The following NKAIN2 variants were observed in gnomAD, a reference collection of about 807,000 sequenced individuals.
NKAIN2 encodes sodium/potassium-transporting ATPase subunit beta-1-interacting protein 2.
Under a neutral mutation model 32.6 loss-of-function variants are expected in NKAIN2, and 14 were observed. That is an observed-to-expected ratio of 0.43 (90% CI 0.28 to 0.67). The LOEUF is 0.67. Ranked by LOEUF, NKAIN2 falls within the 30% of genes least tolerant of loss-of-function variation. NKAIN2 has a pLI of 0.17. For synonymous variants in NKAIN2, 80 were observed against 87.2 expected (o/e 0.92, Z 0.46); for missense variants, 198 against 258.3 (o/e 0.77, Z 1.60).
At chr6:124,348,812 G>C (rs1482293623) in intron 2 of NKAIN2, among the ~76,000 whole-genome samples, 1 of 152,186 alleles carries the variant, frequency 6.6e-6, no homozygotes, top group Non-Finnish European at 1.5e-5. Context: ...CACTGGGGAA[G>C]CTCAAGGGGT....
chr6:124,651,314 A>C (rs1784359750), intron 3 of NKAIN2, among the ~76,000 whole-genome samples: 2 of 152,262 alleles, frequency 1.3e-5, no homozygotes, highest in South Asian at 4.2e-4. Flanking sequence ...GTAGCTCTGC[A>C]GTTCTGAGGT....
intron 1 of NKAIN2, among the ~76,000 whole-genome samples, chr6:124,050,526 G>C (rs1016406509): frequency 6.6e-6 from 1 of 151,932 alleles, no homozygotes; most frequent in African/African-American, 2.4e-5. Flanking sequence ...CTGGCTTGGG[G>C]CTCAGTGGTT....
At chr6:123,913,689 T>C (rs1342682726) in intron 1 of NKAIN2, among the ~76,000 whole-genome samples, 1 of 152,176 alleles carries the variant, frequency 6.6e-6, no homozygotes, top group East Asian at 1.9e-4. Flanking sequence ...ATATTATTTG[T>C]ATCCTGAGAT....
At chr6:124,409,924 G>A (rs1234426400) in intron 3 of NKAIN2, among the ~76,000 whole-genome samples, 1 of 152,132 alleles carries the variant, frequency 6.6e-6, no homozygotes, top group African/African-American at 2.4e-5. Context: ...AGTCTTGGGA[G>A]GGTGTATGTG....
intron 3 of NKAIN2, among the ~76,000 whole-genome samples, chr6:124,358,083 T>C (rs1397959536): frequency 6.6e-6 from 1 of 152,214 alleles, no homozygotes; most frequent in Non-Finnish European, 1.5e-5. Context: ...GCTTCATCTA[T>C]GTCCCTACAA....
At chr6:124,332,612 A>G (rs1797710053) in intron 2 of NKAIN2, among the ~76,000 whole-genome samples, 1 of 152,136 alleles carries the variant, frequency 6.6e-6, no homozygotes, top group Non-Finnish European at 1.5e-5. Flanking sequence ...AAGAAATTAT[A>G]ACTACACCCT....
At chr6:124,800,203 T>G (rs1309378428) in intron 5 of NKAIN2, among the ~76,000 whole-genome samples, 1 of 152,160 alleles carries the variant, frequency 6.6e-6, no homozygotes, top group Non-Finnish European at 1.5e-5. Context: ...CCGGTTCTGC[T>G]TTAGTTTTAG....
intron 1 of NKAIN2, among the ~76,000 whole-genome samples, chr6:124,209,113 C>A (rs1174034938): frequency 6.6e-6 from 1 of 151,348 alleles, no homozygotes; most frequent in Admixed American, 6.6e-5. Context: ...CCACTTTATA[C>A]CCGCCTCGCC....
chr6:124,703,427 T>C (rs1054382086), intron 4 of NKAIN2, among the ~76,000 whole-genome samples: 5 of 152,116 alleles, frequency 3.3e-5, no homozygotes, highest in African/African-American at 1.2e-4. Context: ...TGATTGTATA[T>C]AGCACAAAAT....
intron 3 of NKAIN2, among the ~76,000 whole-genome samples, chr6:124,441,790 CAT>C (rs780015169): frequency 1.3e-5 from 2 of 152,030 alleles, no homozygotes; most frequent in Non-Finnish European, 2.9e-5. Context: ...ATAAACAAAA[CAT>C]AGAATTACTA....
At chr6:124,172,600 A>G (rs1459292437) in intron 1 of NKAIN2, among the ~76,000 whole-genome samples, 1 of 152,184 alleles carries the variant, frequency 6.6e-6, no homozygotes, top group Admixed American at 6.5e-5. Context: ...TTCTTGTGGA[A>G]GGAAGTAAAA....
intron 1 of NKAIN2, among the ~76,000 whole-genome samples, chr6:124,206,462 T>C (rs1324410722): frequency 6.6e-6 from 1 of 151,912 alleles, no homozygotes; most frequent in African/African-American, 2.4e-5. Flanking sequence ...TAAGAGATTG[T>C]TTTTTAGTAG....
intron 3 of NKAIN2, among the ~76,000 whole-genome samples, chr6:124,376,423 G>T (rs532759940): frequency 1.3e-5 from 2 of 152,200 alleles, no homozygotes; most frequent in South Asian, 4.1e-4. Flanking sequence ...ATGGGGAAAT[G>T]CTAAGCAGAC....
intron 4 of NKAIN2, among the ~76,000 whole-genome samples, chr6:124,692,840 C>T (rs971471908): frequency 6.6e-6 from 1 of 151,906 alleles, no homozygotes; most frequent in Non-Finnish European, 1.5e-5. Flanking sequence ...ATATATGTAA[C>T]ATGAAAAAGT....
At chr6:124,003,868 T>A (rs2114718579) in intron 1 of NKAIN2, among the ~76,000 whole-genome samples, 1 of 152,224 alleles carries the variant, frequency 6.6e-6, no homozygotes, top group South Asian at 2.1e-4. Context: ...AGTACATGCT[T>A]AAATATCAGT....
At chr6:124,273,854 T>G (rs1214429140) in intron 1 of NKAIN2, among the ~76,000 whole-genome samples, 2 of 152,214 alleles carry the variant, frequency 1.3e-5, no homozygotes, top group African/African-American at 4.8e-5. Flanking sequence ...AATGGACGCA[T>G]TATATTTTCC....
At chr6:123,969,280 T>C (rs1279687652) in intron 1 of NKAIN2, among the ~76,000 whole-genome samples, 3 of 152,152 alleles carry the variant, frequency 2.0e-5, no homozygotes. Flanking sequence ...TATGAAATGA[T>C]GTGAGGTAAA....
chr6:124,021,450 G>A (rs985932354), intron 1 of NKAIN2, among the ~76,000 whole-genome samples: 3 of 151,628 alleles, frequency 2.0e-5, no homozygotes, highest in African/African-American at 7.3e-5. Context: ...CCTATATTAA[G>A]TCCTTTCAAT....
At chr6:124,639,651 A>G (rs1004348133) in intron 3 of NKAIN2, among the ~76,000 whole-genome samples, 1 of 152,142 alleles carries the variant, frequency 6.6e-6, no homozygotes, top group East Asian at 1.9e-4. Context: ...AAAAGTATAT[A>G]TAATATATAC....
Sources: gnomAD v4.1 joint callset for allele counts (sites outside exome capture counted in the v4.1 genomes callset) on GRCh38, gnomAD v4.1.1 for gene constraint, MANE v1.5 for transcripts, NCBI Gene and HGNC (gene_info 2026-07-23, HGNC 2026-07-21) for gene names.